MAN1C1: variants seen among roughly 807,000 people sequenced by gnomAD.
MAN1C1 encodes the protein mannosidase alpha class 1C member 1, also known as mannosyl-oligosaccharide 1,2-alpha-mannosidase IC.
Under a neutral mutation model 71.5 loss-of-function variants are expected in MAN1C1, and 49 were observed. The ratio of observed to expected loss-of-function variants is 0.69; its 90% CI spans 0.54 to 0.87. The LOEUF is 0.87. MAN1C1 is among the 40% of genes least tolerant of loss of function. MAN1C1 has a pLI of 0.00. For missense variants in MAN1C1, 743 were observed against 835.0 expected (o/e 0.89, Z 1.36); for synonymous variants, 352 against 343.7 (o/e 1.02, Z -0.27).
intron 1 of MAN1C1, among the ~76,000 whole-genome samples, chr1:25,679,054 A>C (rs2046109297): frequency 6.6e-6 from 1 of 152,110 alleles, no homozygotes; most frequent in Admixed American, 6.6e-5. Flanking sequence ...GAGACAAGAG[A>C]GAGAGAGGTG....
intron 1 of MAN1C1, chr1:25,646,552 A>C (rs2045617340): frequency 6.6e-6 from 1 of 152,242 alleles, no homozygotes; most frequent in Non-Finnish European, 1.5e-5. Flanking sequence ...CTAGTTTCAC[A>C]ACTCTGTCTC....
intron 6 of MAN1C1, 32 bp from the exon 7 acceptor site, chr1:25,763,842 T>C (rs2047392747): frequency 2.5e-6 from 4 of 1,591,366 alleles, no homozygotes; most frequent in African/African-American, 1.3e-5. Context: ...TTCGGAAGCA[T>C]GAAGGCTCAC....
intron 2 of MAN1C1, among the ~76,000 whole-genome samples, chr1:25,722,212 C>T (rs1013039529): frequency 6.6e-6 from 1 of 152,188 alleles, no homozygotes; most frequent in African/African-American, 2.4e-5. Context: ...AGGGCGTACT[C>T]TTTGTCCTCA....
At chr1:25,670,042 A>G (rs1572136476) in intron 1 of MAN1C1, among the ~76,000 whole-genome samples, 1 of 152,244 alleles carries the variant, frequency 6.6e-6, no homozygotes, top group Non-Finnish European at 1.5e-5. Context: ...AAAGCAGTCT[A>G]TGCCCACAGC....
intron 2 of MAN1C1, among the ~76,000 whole-genome samples, chr1:25,701,024 A>G (rs1319578188): frequency 6.6e-6 from 1 of 152,284 alleles, no homozygotes; most frequent in Non-Finnish European, 1.5e-5. Flanking sequence ...TTTCTTTTAA[A>G]ATCCGAGGAG....
chr1:25,734,050 C>T (rs1311364371), intron 2 of MAN1C1, among the ~76,000 whole-genome samples: 5 of 152,088 alleles, frequency 3.3e-5, no homozygotes, highest in Non-Finnish European at 7.4e-5. Flanking sequence ...CCGCCCACCT[C>T]GGCCTCCCAA....
intron 2 of MAN1C1, among the ~76,000 whole-genome samples, chr1:25,687,980 GT>G (rs1215310086): frequency 1.3e-5 from 2 of 151,550 alleles, no homozygotes; most frequent in Admixed American, 1.3e-4. Flanking sequence ...GTTATATCGT[GT>G]TTCCCGAAGT....
intron 1 of MAN1C1, among the ~76,000 whole-genome samples, chr1:25,632,033 C>T (rs915154485): frequency 6.6e-6 from 1 of 152,190 alleles, no homozygotes; most frequent in African/African-American, 2.4e-5. Context: ...CCACTTTGGC[C>T]TCCCAAAGTG....
intron 2 of MAN1C1, among the ~76,000 whole-genome samples, chr1:25,719,066 A>ATTG (rs1217287324): frequency 6.9e-6 from 1 of 145,264 alleles, no homozygotes; most frequent in Non-Finnish European, 1.5e-5. Flanking sequence ...TATTATTATT[A>ATTG]TTATTATTAT....
intron 2 of MAN1C1, among the ~76,000 whole-genome samples, chr1:25,690,288 CTT>C (rs33932251): frequency 2.5e-5 from 3 of 119,748 alleles, no homozygotes; most frequent in African/African-American, 3.6e-5. Flanking sequence ...ATCTCTGCCT[CTT>C]TTTTTTTTTT....
intron 1 of MAN1C1, among the ~76,000 whole-genome samples, chr1:25,672,764 T>G (rs2046009601): frequency 6.6e-6 from 1 of 152,178 alleles, no homozygotes; most frequent in African/African-American, 2.4e-5. Context: ...TGGGGGCCAT[T>G]GATCTTCCTG....
intron 1 of MAN1C1, among the ~76,000 whole-genome samples, chr1:25,641,204 C>G (rs2045533025): frequency 6.6e-6 from 1 of 152,320 alleles, no homozygotes; most frequent in East Asian, 1.9e-4. Flanking sequence ...GCCCACACAT[C>G]CTCTTAAGAG....
rs548082885 is a variant in MAN1C1 at position 25,664,786 on chromosome 1, G to A, written c.541-21654G>A. Among the ~76,000 whole-genome samples, 4 of 152,312 alleles carry A rather than the reference G, an allele frequency of 2.6e-5. 1 individual carries two copies. Among genetic ancestry groups the A allele is most frequent in the East Asian group, 3.9e-4 (2 of 5,194 alleles). ...AAGAAAAGGGGAAGACTCGCTGGGC[G>A]GGGGCTGTGACTCAAGGCACTCATA... On this transcript the variant is annotated intron_variant, in intron 1 of 11. Coordinates refer to ENST00000374332, the MANE Select transcript of MAN1C1 (RefSeq NM_020379.4).
chr1:25,618,265 C>G lies in MAN1C1; in HGVS notation c.468C>G (p.Val156=), dbSNP rs138293960. Residue 156 remains valine, a synonymous_variant, in exon 1 of 12, where the codon GTC becomes GTG. Coordinates refer to ENST00000374332, the MANE Select transcript of MAN1C1 (RefSeq NM_020379.4). ...TCCGGAGCCGTCTCCGCCACCCGGT[C>G]CTGGGAACGAGGGCCGATGAGAGTC... is the stretch of plus-strand genomic sequence containing the variant. The part of the protein sequence containing the change: ...NAFRSRLRHP[V]LGTRADESQE... 4.4e-6 allele frequency: 7 copies of G among 1,604,126 alleles called. No homozygotes were observed. In the African/African-American group the frequency reaches 9.4e-5, roughly 21 times the overall value.
intron 1 of MAN1C1, 149 bp downstream of exon 1, chr1:25,618,486 T>C (rs1226875086): frequency 4.1e-6 from 3 of 725,880 alleles, no homozygotes; most frequent in Non-Finnish European, 6.5e-6. Context: ...CACCTTCCCC[T>C]TTCCTCCCAA....
rs911321539 is a variant in MAN1C1, at chr1:25,764,687, G to A, written c.1141+720G>A. 6.6e-6 allele frequency among the ~76,000 whole-genome samples: 1 copy of A among 151,928 alleles called. No individual in the cohort carries two copies. The highest frequency in any genetic ancestry group is 1.9e-4 in the East Asian group (1 of 5,154). Reference sequence around the variant, plus strand: ...ACCGCCTCGGCCTCCCAAAGTGCTGGGATTACAGGCGTGAGCCACCACGCC... The same window carrying A: ...ACCGCCTCGGCCTCCCAAAGTGCTGAGATTACAGGCGTGAGCCACCACGCC... On this transcript the variant is annotated intron_variant, in intron 7 of 11. Transcript: ENST00000374332. This position sits in a 1 kb window ranked among gnomAD's most constrained non-coding sequence, Gnocchi z 4.4.
At chr1:25,755,061 G>A (rs958600442) in intron 5 of MAN1C1, among the ~76,000 whole-genome samples, 4 of 152,290 alleles carry the variant, frequency 2.6e-5, no homozygotes, top group South Asian at 4.1e-4. Flanking sequence ...ACCTGCCCCC[G>A]GCAGGGCTCG....
intron 4 of MAN1C1, among the ~76,000 whole-genome samples, 199 bp downstream of exon 4, chr1:25,749,534 C>T (rs1314851657): frequency 6.6e-6 from 1 of 152,226 alleles, no homozygotes; most frequent in African/African-American, 2.4e-5. Flanking sequence ...AGTCATTGCT[C>T]ATCATGGGCA....
chr1:25,702,854 C>T (rs1168945654), intron 2 of MAN1C1, among the ~76,000 whole-genome samples: 2 of 152,208 alleles, frequency 1.3e-5, no homozygotes, highest in Admixed American at 1.3e-4. Flanking sequence ...AGTTGGGTGG[C>T]ATCTTTGCGT....
Sources: allele counts gnomAD v4.1 joint callset (sites outside exome capture counted in the v4.1 genomes callset), GRCh38; gene constraint gnomAD v4.1.1; non-coding constraint Gnocchi (gnomAD v3.1); transcripts MANE v1.5; gene names NCBI Gene and HGNC (gene_info 2026-07-23, HGNC 2026-07-21).